The following ARHGAP6 variants were observed in gnomAD, a reference collection of about 807,000 sequenced individuals.
The protein encoded by ARHGAP6 is Rho GTPase activating protein 6.
A neutral mutation model predicts 55.7 loss-of-function variants in ARHGAP6; 16 were observed. The ratio of observed to expected loss-of-function variants is 0.29; its 90% CI spans 0.19 to 0.44. ARHGAP6 has a LOEUF of 0.44. Ranked by LOEUF, ARHGAP6 falls within the 20% of genes least tolerant of loss-of-function variation. The pLI, the probability that ARHGAP6 is intolerant of heterozygous loss-of-function variation, is 1.00. For synonymous variants in ARHGAP6, 382 were observed against 360.9 expected, an observed-to-expected ratio of 1.06 and a Z score of -0.66; for missense variants, 698 against 808.9, an observed-to-expected ratio of 0.86 and a Z score of 1.66.
At chrX:11,282,972 G>A (rs2047876287) in intron 1 of ARHGAP6, among the ~76,000 whole-genome samples, 1 of 112,175 alleles carries the variant, frequency 8.9e-6, no homozygotes, top group Admixed American at 9.4e-5. Context: ...ATTCTACCAT[G>A]TTATGGTTTC....
At chrX:11,317,829 T>C (rs963198051) in intron 1 of ARHGAP6, among the ~76,000 whole-genome samples, 4 of 111,765 alleles carry the variant, frequency 3.6e-5, no homozygotes, top group African/African-American at 1.3e-4. Flanking sequence ...TATGGAATTA[T>C]AGAATTTTAG....
chrX:11,537,061 C>T (rs1321603580), intron 1 of ARHGAP6, among the ~76,000 whole-genome samples: 1 of 112,411 alleles, frequency 8.9e-6, no homozygotes, highest in East Asian at 2.8e-4. Context: ...TTCTCTTCTT[C>T]TGTCACAGTA....
intron 1 of ARHGAP6, among the ~76,000 whole-genome samples, chrX:11,662,235 T>A (rs1415587191): frequency 8.9e-6 from 1 of 112,054 alleles, no homozygotes; most frequent in Non-Finnish European, 1.9e-5. Flanking sequence ...TCTTGGTTTT[T>A]CAGAGGGTTC....
chrX:11,344,694 A>AGC (rs1267724989), intron 1 of ARHGAP6, among the ~76,000 whole-genome samples: 1 of 101,255 alleles, frequency 9.9e-6, no homozygotes, highest in African/African-American at 3.7e-5. Flanking sequence ...AAAAAAAAAA[A>AGC]AAAAAAAAAA....
intron 1 of ARHGAP6, among the ~76,000 whole-genome samples, chrX:11,325,046 G>T (rs1002338453): frequency 1.8e-5 from 2 of 111,537 alleles, no homozygotes; most frequent in African/African-American, 6.5e-5. Flanking sequence ...TTTTAGTAGA[G>T]ACGGGGTTTC....
At chrX:11,531,932 GGCCCC>G in intron 1 of ARHGAP6, among the ~76,000 whole-genome samples, 1 of 112,324 alleles carries the variant, frequency 8.9e-6, no homozygotes, top group African/African-American at 3.2e-5. Context: ...CTGAAGCTCA[GGCCCC>G]ATTGTGCTGG....
At chrX:11,540,048 G>T (rs991830730) in intron 1 of ARHGAP6, among the ~76,000 whole-genome samples, 2 of 110,194 alleles carry the variant, frequency 1.8e-5, no homozygotes, top group African/African-American at 6.6e-5. Context: ...GAGGTCAGGA[G>T]TTCAAGACCA....
intron 1 of ARHGAP6, among the ~76,000 whole-genome samples, chrX:11,601,606 C>A (rs2051974428): frequency 8.9e-6 from 1 of 111,891 alleles, no homozygotes; most frequent in African/African-American, 3.3e-5. Context: ...GGTAAGGAAC[C>A]CAGAAGCAGT....
At chrX:11,187,063 G>A (rs183677548) in intron 4 of ARHGAP6, among the ~76,000 whole-genome samples, 121 of 111,285 alleles carry the variant, frequency 1.1e-3, no homozygotes, top group Non-Finnish European at 2.1e-3. Flanking sequence ...TGTAGATCAT[G>A]CACCTTAGAG....
chrX:11,482,071 G>A (rs767449748), intron 1 of ARHGAP6, among the ~76,000 whole-genome samples: 2 of 112,280 alleles, frequency 1.8e-5, no homozygotes, highest in Non-Finnish European at 3.8e-5. Flanking sequence ...TCTCCACCAG[G>A]AGTGGTTTTA....
At chrX:11,608,639 G>A (rs892245992) in intron 1 of ARHGAP6, among the ~76,000 whole-genome samples, 1 of 111,712 alleles carries the variant, frequency 9.0e-6, no homozygotes, top group South Asian at 3.8e-4. Context: ...TTGTACTCCC[G>A]TAATTCCCAC....
intron 1 of ARHGAP6, among the ~76,000 whole-genome samples, chrX:11,316,140 T>C (rs1204628264): frequency 8.9e-6 from 1 of 112,005 alleles, no homozygotes; most frequent in South Asian, 3.8e-4. Context: ...TTTCAATGGT[T>C]CCATCTTGGT....
intron 1 of ARHGAP6, among the ~76,000 whole-genome samples, chrX:11,452,217 G>A (rs1051315100): frequency 2.7e-5 from 3 of 111,873 alleles, no homozygotes; most frequent in East Asian, 5.6e-4. Context: ...GCACGATCTC[G>A]GCTTACTGCA....
At chrX:11,538,560 AT>A (rs1221017978) in intron 1 of ARHGAP6, among the ~76,000 whole-genome samples, 30 of 111,208 alleles carry the variant, frequency 2.7e-4, no homozygotes, top group South Asian at 7.5e-4. Flanking sequence ...TATTTTTATA[AT>A]TTTTTTCTCA....
At chrX:11,576,002 T>C (rs1196198990) in intron 1 of ARHGAP6, among the ~76,000 whole-genome samples, 1 of 112,369 alleles carries the variant, frequency 8.9e-6, no homozygotes, top group Admixed American at 9.5e-5. Flanking sequence ...ACAGCTAAAA[T>C]GCTGCAGTAA....
intron 1 of ARHGAP6, among the ~76,000 whole-genome samples, chrX:11,479,673 T>C (rs928388365): frequency 1.8e-5 from 2 of 111,647 alleles, no homozygotes; most frequent in African/African-American, 6.5e-5. Context: ...GTGTTTTCAT[T>C]TTGTACTGGG....
intron 1 of ARHGAP6, among the ~76,000 whole-genome samples, chrX:11,532,453 CT>C (rs1281495290): frequency 8.9e-6 from 1 of 112,392 alleles, no homozygotes; most frequent in African/African-American, 3.2e-5. Flanking sequence ...GATCATGTGA[CT>C]GTGTTCTGGC....
At chrX:11,568,164 G>A (rs1288390881) in intron 1 of ARHGAP6, among the ~76,000 whole-genome samples, 1 of 111,715 alleles carries the variant, frequency 9.0e-6, no homozygotes, top group African/African-American at 3.3e-5. Flanking sequence ...GAAAAAAAAA[G>A]TCTGTCAACT....
chrX:11,327,084 A>T (rs910888128), intron 1 of ARHGAP6, among the ~76,000 whole-genome samples: 1 of 111,922 alleles, frequency 8.9e-6, no homozygotes, highest in South Asian at 3.7e-4. Flanking sequence ...ACCCAAAGGA[A>T]GGAAAAATAG....
Sources: allele counts gnomAD v4.1 joint callset (sites outside exome capture counted in the v4.1 genomes callset), GRCh38; gene constraint gnomAD v4.1.1; transcripts MANE v1.5; gene names NCBI Gene and HGNC (gene_info 2026-07-23, HGNC 2026-07-21).